TRPM3: variants seen among roughly 807,000 people sequenced by gnomAD.
The protein encoded by TRPM3 is transient receptor potential cation channel subfamily M member 3.
TRPM3 carries 77 observed loss-of-function variants against 181.2 expected under a neutral mutation model. The observed-to-expected ratio is 0.42, with a 90% CI of 0.35 to 0.51. TRPM3 has a LOEUF of 0.51. Ranked by LOEUF, TRPM3 falls within the 20% of genes least tolerant of loss-of-function variation. The pLI is 0.01. For missense variants in TRPM3, 1,759 were observed against 2,196.7 expected, an observed-to-expected ratio of 0.80 and a Z score of 3.98; for synonymous variants, 745 against 796.4, an observed-to-expected ratio of 0.94 and a Z score of 1.09.
chr9:70,956,673 C>T (rs1434999673), intron 1 of TRPM3, among the ~76,000 whole-genome samples: 2 of 151,998 alleles, frequency 1.3e-5, no homozygotes, highest in Non-Finnish European at 2.9e-5. Flanking sequence ...TTCTTTGAGG[C>T]CAGGACTTTG....
intron 8 of TRPM3, among the ~76,000 whole-genome samples, chr9:70,684,235 G>T (rs1301246211): frequency 6.6e-6 from 1 of 152,208 alleles, no homozygotes; most frequent in African/African-American, 2.4e-5. Flanking sequence ...ATGGGTAAAT[G>T]CAGTGTTTCC....
intron 1 of TRPM3, among the ~76,000 whole-genome samples, chr9:71,196,011 A>G (rs2131692484): frequency 6.6e-6 from 1 of 152,074 alleles, no homozygotes; most frequent in African/African-American, 2.4e-5. Context: ...AAAAATAAGT[A>G]TTGGGTACTA....
intron 5 of TRPM3, among the ~76,000 whole-genome samples, chr9:70,830,445 G>C (rs1255049803): frequency 1.3e-5 from 2 of 152,036 alleles, no homozygotes; most frequent in Admixed American, 6.6e-5. Flanking sequence ...CATCTGAATT[G>C]GTCATGGCAA....
rs80046335 is a variant in TRPM3 at position 71,278,696 on chromosome 9, A to T, written c.183+167957T>A. ...GTTTTTTGTCATGTTTGATGGACAG[A>T]AACAGTAACTCTATGTGGCTCAACC... On this transcript the variant is annotated intron_variant, in intron 1 of 24. Coordinates refer to the TRPM3 transcript ENST00000357533. Among the ~76,000 whole-genome samples, 7 of 149,838 alleles carry T rather than the reference A, an allele frequency of 4.7e-5. No individual in the cohort carries two copies. In the East Asian group the frequency reaches 1.4e-3, roughly 29 times the overall value.
chr9:71,095,751 T>C (rs1194631865), intron 1 of TRPM3, among the ~76,000 whole-genome samples: 6 of 114,436 alleles, frequency 5.2e-5, no homozygotes. Flanking sequence ...AGAATGAGAC[T>C]CTGTGTCAAA....
At chr9:70,595,425 C>T (rs1462312004) in intron 21 of TRPM3, among the ~76,000 whole-genome samples, 4 of 152,126 alleles carry the variant, frequency 2.6e-5, no homozygotes, top group African/African-American at 9.7e-5. Flanking sequence ...TGTGTGTGCA[C>T]GTGTGCATGC....
intron 1 of TRPM3, among the ~76,000 whole-genome samples, chr9:71,022,649 G>C (rs2097856193): frequency 6.6e-6 from 1 of 152,102 alleles, no homozygotes; most frequent in Admixed American, 6.5e-5. Flanking sequence ...AGTGAGTCAT[G>C]ATGTCACCAT....
At chr9:70,902,635 CA>C (rs1195476993) in intron 1 of TRPM3, among the ~76,000 whole-genome samples, 3 of 151,482 alleles carry the variant, frequency 2.0e-5, no homozygotes, top group Non-Finnish European at 2.9e-5. Context: ...CTACAATGAG[CA>C]AAAAAAACAA....
At chr9:71,059,010 C>CTTTTTTTTTT (rs1491270019) in intron 1 of TRPM3, among the ~76,000 whole-genome samples, 2 of 15,932 alleles carry the variant, frequency 1.3e-4, no homozygotes, top group Non-Finnish European at 2.5e-4. Context: ...TTTGTTTGTT[C>CTTTTTTTTTT]ATTTTTTTTT....
intron 1 of TRPM3, among the ~76,000 whole-genome samples, chr9:70,915,454 T>C (rs979691605): frequency 1.2e-4 from 18 of 150,880 alleles, no homozygotes; most frequent in South Asian, 4.2e-4. Context: ...CCCACCACCA[T>C]GCCCGGCTAA....
chr9:71,191,929 G>A (rs2078054972), intron 1 of TRPM3, among the ~76,000 whole-genome samples: 4 of 151,724 alleles, frequency 2.6e-5, no homozygotes. Flanking sequence ...AGTGAATGGG[G>A]AGGTAACTAT....
intron 1 of TRPM3, among the ~76,000 whole-genome samples, chr9:70,882,918 T>C (rs939791567): frequency 6.6e-6 from 1 of 152,202 alleles, no homozygotes; most frequent in African/African-American, 2.4e-5. Context: ...GTCGACTCCT[T>C]TATTTTACTG....
chr9:71,265,930 T>C (rs918391236), intron 1 of TRPM3, among the ~76,000 whole-genome samples: 1 of 152,204 alleles, frequency 6.6e-6, no homozygotes, highest in African/African-American at 2.4e-5. Flanking sequence ...TGACATCACA[T>C]TCTGATATCC....
rs549653180 is a variant in TRPM3 at position 71,310,560 on chromosome 9, C to A, written c.183+136093G>T. 4.6e-5 allele frequency among the ~76,000 whole-genome samples: 7 copies of A among 152,192 alleles called. No individual in the cohort carries two copies. In the East Asian group the frequency reaches 1.4e-3, roughly 29 times the overall value. On this transcript the variant is annotated intron_variant, in intron 1 of 24. Transcript: ENST00000357533. Reference sequence around the variant, plus strand: ...TCCCATTGCTCTAATTTCATAGCCACCAAGCAAGTTTCCTACCTATAATTT... The same window carrying A: ...TCCCATTGCTCTAATTTCATAGCCAACAAGCAAGTTTCCTACCTATAATTT...
intron 6 of TRPM3, among the ~76,000 whole-genome samples, chr9:70,807,440 C>T (rs2090942573): frequency 1.3e-5 from 2 of 152,082 alleles, no homozygotes. Flanking sequence ...TTTATTTATC[C>T]TGAGTCTTTC....
chr9:71,195,114 G>A (rs975987143), intron 1 of TRPM3, among the ~76,000 whole-genome samples: 2 of 152,060 alleles, frequency 1.3e-5, no homozygotes, highest in African/African-American at 4.8e-5. Context: ...GTTTCATGAC[G>A]AAGACAGCAA....
At chr9:70,879,750 T>C (rs1049210176) in intron 1 of TRPM3, among the ~76,000 whole-genome samples, 17 of 152,168 alleles carry the variant, frequency 1.1e-4, no homozygotes, top group African/African-American at 3.9e-4. Context: ...ACCTTGCTCT[T>C]TTATTTTCCT....
chr9:70,911,260 T>C (rs894025592), intron 1 of TRPM3, among the ~76,000 whole-genome samples: 3 of 152,188 alleles, frequency 2.0e-5, no homozygotes, highest in Admixed American at 1.3e-4. Flanking sequence ...TCAATTACTA[T>C]TGGTGTTCCC....
chr9:70,863,029 C>A lies in TRPM3; in HGVS notation c.341G>T (p.Arg114Leu). The change falls in exon 3 of 26, where the codon CGC (arginine) becomes CTC (leucine). Residue 114 changes from arginine (R) to leucine (L), a missense_variant. Arg to Leu is a moderately radical substitution (Grantham distance 102). Around this residue, in one of 8 missense-constraint regions of TRPM3, gnomAD observed 737 missense variants for 957.4 expected, o/e 0.77. Transcript: ENST00000677713. ...AGACTGGATGTCATTTCGGGAGAGG[C>A]GACTTTCATTTTTCTCATTCTGAAG... is the stretch of plus-strand genomic sequence containing the variant. ...SVLQNEKNES[R>L]LSRNDIQSEK... is the part of the protein sequence containing the mutation. 11 of 1,613,552 alleles carry A rather than the reference C, an allele frequency of 6.8e-6. No individual in the cohort carries two copies. The highest frequency in any genetic ancestry group is 9.3e-6 in the Non-Finnish European group (11 of 1,179,698).
Sources: gnomAD v4.1 joint callset for allele counts (sites outside exome capture counted in the v4.1 genomes callset) on GRCh38, gnomAD v4.1.1 for gene constraint, gnomAD v4.1.1 regional missense constraint, MANE v1.5 for transcripts, NCBI Gene and HGNC (gene_info 2026-07-23, HGNC 2026-07-21) for gene names.